The following NID1 variants were observed in gnomAD, a reference collection of about 807,000 sequenced individuals.
NID1 encodes nidogen-1.
Under a neutral mutation model 130.6 loss-of-function variants are expected in NID1, and 76 were observed. That is an observed-to-expected ratio of 0.58 (90% CI 0.48 to 0.70). The LOEUF (loss-of-function observed/expected upper bound fraction) is 0.70, where lower values mean the gene tolerates loss of function less well. Among genes scored for constraint, NID1 ranks in the 30% least tolerant of loss-of-function variants. The pLI is 0.00. For missense variants in NID1, 1,517 were observed against 1,664.8 expected (o/e 0.91, Z 1.54); for synonymous variants, 665 against 675.1 (o/e 0.98, Z 0.23).
intron 15 of NID1, 148 bp downstream of exon 15, chr1:235,985,231 C>T: frequency 1.3e-6 from 1 of 755,720 alleles, no homozygotes; most frequent in Non-Finnish European, 2.1e-6. Flanking sequence ...CGTGCCTAAA[C>T]TTTACACACT....
intron 9 of NID1, among the ~76,000 whole-genome samples, chr1:236,020,743 C>T (rs1331602213): frequency 6.6e-6 from 1 of 152,212 alleles, no homozygotes; most frequent in African/African-American, 2.4e-5. Context: ...AGCCTCATGT[C>T]TCGATACATT....
chr1:236,054,674 C>A (rs1659848547), intron 1 of NID1, among the ~76,000 whole-genome samples: 1 of 151,646 alleles, frequency 6.6e-6, no homozygotes, highest in Non-Finnish European at 1.5e-5. Flanking sequence ...CAGAGTCTCG[C>A]TCTGTCACCC....
chr1:236,010,551 C>T (rs892260595), intron 12 of NID1, among the ~76,000 whole-genome samples: 3 of 152,108 alleles, frequency 2.0e-5, no homozygotes, highest in African/African-American at 4.8e-5. Context: ...CTGTCCACCT[C>T]GATCTCCCAA....
At position 236,042,038 on chromosome 1, in the gene NID1, C is replaced by T. The variant is rs762941239; in HGVS notation, c.1007G>A (p.Arg336Gln). The change falls in exon 4 of 20, where the codon CGG becomes CAG. Residue 336 changes from arginine (R) to glutamine (Q), a missense_variant. Physicochemically the swap from Arg to Gln is conservative, Grantham distance 43. Around this residue, in one of 3 missense-constraint regions of NID1, gnomAD observed 1,329 missense variants for 1,429.2 expected, o/e 0.93. Coordinates refer to ENST00000264187, the MANE Select transcript of NID1 (RefSeq NM_002508.3). Reference protein sequence around the residue: ...YSVPSVLSPRRAATERPLGPP... With the variant: ...YSVPSVLSPRQAATERPLGPP... The stretch of plus-strand genomic sequence containing the variant: ...TCCAAGGGGCCTTTCGGTAGCTGCC[C>T]GGCGCGGGGAGAGGACGCTGGGCAC... 56 of 1,614,020 alleles carry T rather than the reference C, an allele frequency of 3.5e-5. No individual in the cohort carries two copies. Among genetic ancestry groups the T allele is most frequent in the Admixed American group, 5.0e-5 (3 of 60,002 alleles).
chr1:235,980,839 A>G (rs184477448), intron 16 of NID1, among the ~76,000 whole-genome samples, 186 bp from the exon 17 acceptor site: 238 of 152,366 alleles, frequency 1.6e-3, no homozygotes, highest in African/African-American at 5.7e-3. Context: ...TTGGTTCCTC[A>G]TTTGAGTTTG....
intron 15 of NID1, among the ~76,000 whole-genome samples, chr1:235,983,341 C>G (rs1465319297): frequency 6.6e-6 from 1 of 152,218 alleles, no homozygotes; most frequent in Non-Finnish European, 1.5e-5. Flanking sequence ...AGAAACCCCA[C>G]TTGAACAAGA....
At chr1:236,048,290 G>A (rs1388644460) in intron 2 of NID1, among the ~76,000 whole-genome samples, 2 of 151,732 alleles carry the variant, frequency 1.3e-5, no homozygotes, top group South Asian at 2.1e-4. Flanking sequence ...AGCCAAGATC[G>A]TGCCACTGCA....
Position 235,980,502 on chromosome 1 carries a change from C to G in NID1, c.3379G>C (p.Asp1127His). 6.2e-7 allele frequency: 1 copy of G among 1,614,098 alleles called. No homozygotes were observed. Among genetic ancestry groups the G allele is most frequent in the Non-Finnish European group, 8.5e-7 (1 of 1,179,976 alleles). ...GTGTCCAGCTTTCCATCACCTGCATCCACCCAGCAGAGCTGAGATGAGAAC... is the reference window on the plus strand; with the variant it reads ...GTGTCCAGCTTTCCATCACCTGCATGCACCCAGCAGAGCTGAGATGAGAAC... ...DAFSSQLCWV[D>H]AGTNRAECLN... Residue 1127 changes from aspartate (D) to histidine (H), a missense_variant, in exon 17 of 20, where the codon GAT becomes CAT. Physicochemically the swap from Asp to His is moderately conservative, Grantham distance 81. Coordinates refer to ENST00000264187, the MANE Select transcript of NID1 (RefSeq NM_002508.3).
intron 3 of NID1, among the ~76,000 whole-genome samples, chr1:236,042,788 A>G (rs751168305): frequency 1.2e-4 from 15 of 126,148 alleles, no homozygotes; most frequent in Non-Finnish European, 2.0e-4. Flanking sequence ...TGAAGTGATA[A>G]GAGTGTCTTT....
chr1:235,994,918 C>A (rs903383117), intron 12 of NID1, among the ~76,000 whole-genome samples: 2 of 152,128 alleles, frequency 1.3e-5, no homozygotes. Context: ...GCTAGCATCT[C>A]AAGCTTCTTG....
chr1:236,013,295 A>G lies in NID1; in HGVS notation c.2404+116T>C, dbSNP rs1361603553. 16 of 1,113,536 alleles carry G rather than the reference A, an allele frequency of 1.4e-5. No homozygotes were observed. In the Admixed American group the frequency reaches 2.5e-4, roughly 17 times the overall value. The allele number at this position is 1,113,536 out of a possible 1,614,324, so 69.0% of individuals were successfully genotyped here. A position where few individuals can be genotyped will look rare whatever the true frequency, so the allele number is the denominator to read the frequency against. On this transcript the variant is annotated intron_variant, in intron 11 of 19. Coordinates refer to ENST00000264187, the MANE Select transcript of NID1 (RefSeq NM_002508.3). ...AAAGCAACACATTTACTCTGTGGAGATGACAGAAGAATTCTTTCTTCTATT... is the reference window on the plus strand; with the variant it reads ...AAAGCAACACATTTACTCTGTGGAGGTGACAGAAGAATTCTTTCTTCTATT...
At chr1:236,055,612 G>T (rs538386119) in intron 1 of NID1, among the ~76,000 whole-genome samples, 1 of 149,910 alleles carries the variant, frequency 6.7e-6, no homozygotes, top group African/African-American at 2.5e-5. Flanking sequence ...TCAAGATCAC[G>T]CCACTGCACT....
At chr1:236,035,687 T>C (rs4659619) in intron 5 of NID1, among the ~76,000 whole-genome samples, 69,460 of 152,026 alleles carry the variant, frequency 0.46, 18,276 homozygotes, top group African/African-American at 0.73. Context: ...GGGGCTGCCA[T>C]CCGGGGATCA....
Position 235,989,507 on chromosome 1 carries a change from A to T in NID1, c.2928+1379T>A, listed in dbSNP as rs558396651. Reference sequence around the variant, plus strand: ...TTTTTTGAGTGCTTCCTATATGCCAAGCAGTTTTGGGTCTAGAAATACCAC... The same window carrying T: ...TTTTTTGAGTGCTTCCTATATGCCATGCAGTTTTGGGTCTAGAAATACCAC... On this transcript the variant is annotated intron_variant, in intron 14 of 19. Transcript: ENST00000264187. 2.2e-4 allele frequency among the ~76,000 whole-genome samples: 33 copies of T among 152,376 alleles called. 1 individual carries two copies. The highest frequency in any genetic ancestry group is 7.7e-4 in the African/African-American group (32 of 41,588).
chr1:236,047,235 C>A (rs1572618723), intron 2 of NID1, among the ~76,000 whole-genome samples: 1 of 152,324 alleles, frequency 6.6e-6, no homozygotes, highest in Middle Eastern at 3.4e-3. Flanking sequence ...TAGCATTTCC[C>A]AAACTAGAAG....
rs541743113 is a variant in NID1, at chr1:236,052,036, C to T, written c.226-3047G>A. Among the ~76,000 whole-genome samples, 3 of 152,340 alleles carry T rather than the reference C, an allele frequency of 2.0e-5. No homozygotes were observed. The South Asian group carries it at 6.2e-4, about 32-fold the overall frequency. On this transcript the variant is annotated intron_variant, in intron 1 of 19. Transcript: ENST00000264187. ...TTATTTTTCAGCTAATTTTACTGAA[C>T]ATTCAGCTCGATCGTCTGTGATAAT...
chr1:235,979,233 T>C lies in NID1; in HGVS notation c.3510-126A>G, dbSNP rs1454023441. The stretch of plus-strand genomic sequence containing the variant: ...CCATAAACAGACATGATGGCCTTCT[T>C]CCTAGACATCCCTTCCTTCCCCTGG... On this transcript the variant is annotated intron_variant, in intron 18 of 19. Coordinates refer to ENST00000264187, the MANE Select transcript of NID1 (RefSeq NM_002508.3). This position sits in a 1 kb window ranked among gnomAD's most constrained non-coding sequence, Gnocchi z 4.6. 3.0e-6 allele frequency: 2 copies of C among 657,510 alleles called. No homozygotes were observed. Among genetic ancestry groups the C allele is most frequent in the Non-Finnish European group, 5.5e-6 (2 of 366,274 alleles). 40.7% of individuals were successfully genotyped at this position (657,510 alleles called of 1,614,324 possible). A position where few individuals can be genotyped will look rare whatever the true frequency, so the allele number is the denominator to read the frequency against.
Position 236,045,559 on chromosome 1 carries a change from G to A in NID1, c.650C>T (p.Ala217Val), listed in dbSNP as rs753271707. Residue 217 changes from alanine (A) to valine (V), a missense_variant, in exon 3 of 20, where the codon GCC becomes GTC. Physicochemically the swap from Ala to Val is moderately conservative, Grantham distance 64 (BLOSUM62 0). Around this residue, in one of 3 missense-constraint regions of NID1, gnomAD observed 1,329 missense variants for 1,429.2 expected, o/e 0.93. Transcript: ENST00000264187. The stretch of plus-strand genomic sequence containing the variant: ...TGAACCTTGACTGAATGCAACCACG[G>A]CAGGAACTTGGTTGTTTTCCTTCTT... ...FSKKENNQVP[A>V]VVAFSQGSVG... The A allele has an allele frequency of 1.2e-6, 2 of 1,613,954 alleles. No individual in the cohort carries two copies. The highest frequency in any genetic ancestry group is 1.7e-5 in the Admixed American group (1 of 59,996).
chr1:235,989,005 G>A (rs1657648318), intron 14 of NID1, among the ~76,000 whole-genome samples: 1 of 151,450 alleles, frequency 6.6e-6, no homozygotes, highest in East Asian at 1.9e-4. Flanking sequence ...TTAAAAGATG[G>A]TGAATGTTTA....
Sources: allele counts gnomAD v4.1 joint callset (sites outside exome capture counted in the v4.1 genomes callset), GRCh38; gene constraint gnomAD v4.1.1; regional missense constraint gnomAD v4.1.1; non-coding constraint Gnocchi (gnomAD v3.1); transcripts MANE v1.5; gene names NCBI Gene and HGNC (gene_info 2026-07-23, HGNC 2026-07-21).